Variants in SGMS2 observed in about 807,000 individuals in gnomAD.
SGMS2 encodes phosphatidylcholine:ceramide cholinephosphotransferase 2.
Under a neutral mutation model 43.8 loss-of-function variants are expected in SGMS2, and 21 were observed. That is an observed-to-expected ratio of 0.48 (90% CI 0.34 to 0.69). The LOEUF (loss-of-function observed/expected upper bound fraction) is 0.69. SGMS2 is among the 30% of genes least tolerant of loss of function. SGMS2 has a pLI of 0.01. For synonymous variants in SGMS2, 167 were observed against 160.6 expected (o/e 1.04, Z -0.30); for missense variants, 384 against 443.2 (o/e 0.87, Z 1.20).
intron 2 of SGMS2, among the ~76,000 whole-genome samples, chr4:107,869,962 A>G (rs1030004486): frequency 2.6e-5 from 4 of 152,170 alleles, no homozygotes; most frequent in African/African-American, 9.7e-5. Flanking sequence ...CCAGAGAGGA[A>G]GGGAGTGCTG....
intron 3 of SGMS2, among the ~76,000 whole-genome samples, chr4:107,897,218 C>G (rs994864713): frequency 1.3e-5 from 2 of 152,164 alleles, no homozygotes; most frequent in South Asian, 4.1e-4. Flanking sequence ...GTCTTAAAAC[C>G]TTATTCCACA....
rs1316774814 is a variant in SGMS2, at chr4:107,895,440, A to G, written c.-114A>G. 2.8e-6 allele frequency: 3 copies of G among 1,077,512 alleles called. No individual in the cohort carries two copies. In the Admixed American group the frequency reaches 7.2e-5, roughly 26 times the overall value. The allele number at this position is 1,077,512 out of a possible 1,614,324, so 66.7% of individuals were successfully genotyped here. On this transcript the variant is annotated 5_prime_UTR_variant, in exon 3 of 7. Coordinates refer to ENST00000690982, the MANE Select transcript of SGMS2 (RefSeq NM_001375905.1). ...TTCTACATTTTGTATTAGGAAACAAAGTCCATTGTAAGAGTCCATGTTGAT... is the reference window on the plus strand; with the variant it reads ...TTCTACATTTTGTATTAGGAAACAAGGTCCATTGTAAGAGTCCATGTTGAT...
At chr4:107,881,842 C>T (rs1729381397) in intron 2 of SGMS2, among the ~76,000 whole-genome samples, 1 of 152,074 alleles carries the variant, frequency 6.6e-6, no homozygotes. Context: ...TTTTTAGCTC[C>T]CACAAATGAG....
chr4:107,829,790 G>A (rs1312518243), intron 1 of SGMS2, among the ~76,000 whole-genome samples: 2 of 151,856 alleles, frequency 1.3e-5, no homozygotes, highest in Non-Finnish European at 2.9e-5. Flanking sequence ...GCCCAGGCTG[G>A]TCTTGAATGC....
rs951764006 is a variant in SGMS2 at position 107,895,360 on chromosome 4, G to A, written c.-194G>A. On this transcript the variant is annotated 5_prime_UTR_variant, in exon 3 of 7. In the 5' UTR this introduces an upstream ATG that the reference lacks. Transcript: ENST00000690982. ...GAAGAATTGGCTTCCTTTCTTGAAAGTGGTGAAGGTACAGCATATAGCTGC... is the reference window on the plus strand; with the variant it reads ...GAAGAATTGGCTTCCTTTCTTGAAAATGGTGAAGGTACAGCATATAGCTGC... The A allele has an allele frequency of 1.9e-6, 1 of 536,256 alleles. No individual in the cohort carries two copies. The highest frequency in any genetic ancestry group is 1.9e-5 in the African/African-American group (1 of 52,304). The allele number at this position is 536,256 out of a possible 1,614,324, so 33.2% of individuals were successfully genotyped here. A position where few individuals can be genotyped will look rare whatever the true frequency, so the allele number is the denominator to read the frequency against.
intron 1 of SGMS2, among the ~76,000 whole-genome samples, chr4:107,829,103 C>G (rs538477632): frequency 6.6e-6 from 1 of 152,282 alleles, no homozygotes; most frequent in African/African-American, 2.4e-5. Flanking sequence ...TCAGGTGTTG[C>G]ATTTAGCAGA....
chr4:107,862,674 G>T (rs1247301185), intron 2 of SGMS2, among the ~76,000 whole-genome samples: 1 of 152,176 alleles, frequency 6.6e-6, no homozygotes, highest in East Asian at 1.9e-4. Flanking sequence ...CCTCTACCAA[G>T]AGTGAGAAAG....
intron 5 of SGMS2, chr4:107,908,360 C>G (rs11724020): frequency 3.8e-6 from 2 of 523,980 alleles, no homozygotes; most frequent in African/African-American, 3.8e-5. Context: ...ATGACTATTA[C>G]GCCCGCTGCC....
In SGMS2 at chr4:107,895,733, C is replaced by G. The variant is rs377506197; in HGVS notation, c.180C>G (p.Ile60Met). 1.9e-6 allele frequency: 3 copies of G among 1,613,932 alleles called. No individual in the cohort carries two copies. The East Asian group carries it at 6.7e-5, about 36-fold the overall frequency. Reference sequence around the variant, plus strand: ...GCACCAAAAAGTACCCGGACTATATCCAAATTGCTATGCCCACTGAATCAA... The same window carrying G: ...GCACCAAAAAGTACCCGGACTATATGCAAATTGCTATGCCCACTGAATCAA... ...RKGTKKYPDY[I>M]QIAMPTESRN... is the part of the protein sequence containing the mutation. Residue 60 changes from isoleucine (I) to methionine (M), a missense_variant, in exon 3 of 7, where the codon ATC (isoleucine) becomes ATG (methionine). Transcript: ENST00000690982.
At chr4:107,893,854 T>C (rs1247746367) in intron 2 of SGMS2, among the ~76,000 whole-genome samples, 1 of 152,166 alleles carries the variant, frequency 6.6e-6, no homozygotes. Context: ...AGCTCATCCC[T>C]CTCCTTCCTT....
In SGMS2 at chr4:107,873,584, T is replaced by C. The variant is rs1345674232; in HGVS notation, c.-245+15031T>C. ...AAAATTATATTTTATATATTATTAA[T>C]CTAAAATTTATTATATACTTATGCT... On this transcript the variant is annotated intron_variant, in intron 2 of 6. Transcript: ENST00000690982. 2.0e-5 allele frequency: 3 copies of C among 151,744 alleles called. No individual in the cohort carries two copies. In the East Asian group the frequency reaches 5.8e-4, roughly 29 times the overall value. 9.4% of individuals were successfully genotyped at this position (151,744 alleles called of 1,614,324 possible). A position where few individuals can be genotyped will look rare whatever the true frequency, so the allele number is the denominator to read the frequency against.
chr4:107,857,693 T>TA (rs1487639021), intron 1 of SGMS2, among the ~76,000 whole-genome samples: 1 of 152,118 alleles, frequency 6.6e-6, no homozygotes, highest in Non-Finnish European at 1.5e-5. Flanking sequence ...AAATTTCAAC[T>TA]AAAAAATCCA....
intron 2 of SGMS2, chr4:107,893,802 A>G (rs935390553): frequency 6.6e-6 from 1 of 152,236 alleles, no homozygotes; most frequent in Non-Finnish European, 1.5e-5. Flanking sequence ...TCCCTGGAGC[A>G]GGGAAACAGT....
intron 4 of SGMS2, among the ~76,000 whole-genome samples, chr4:107,901,964 T>C (rs1227972182): frequency 6.6e-6 from 1 of 151,624 alleles, no homozygotes; most frequent in Non-Finnish European, 1.5e-5. Context: ...TAGAGTGCAA[T>C]GGCGCAATCT....
Position 107,902,207 on chromosome 4 carries a change from G to C in SGMS2, c.574-1026G>C, listed in dbSNP as rs142383303. Among the ~76,000 whole-genome samples, 905 of 146,562 alleles carry C rather than the reference G, an allele frequency of 6.2e-3. 10 individuals carry two copies. The highest frequency in any genetic ancestry group is 0.022 in the African/African-American group (860 of 38,804). Reference sequence around the variant, plus strand: ...GTGTAGATGATAAGCTTTCCTTTTTGGCAGCAGCCAAGTTGGTCTCTCCTG... The same window carrying C: ...GTGTAGATGATAAGCTTTCCTTTTTCGCAGCAGCCAAGTTGGTCTCTCCTG... On this transcript the variant is annotated intron_variant, in intron 4 of 6. Transcript: ENST00000690982.
intron 4 of SGMS2, 113 bp from the exon 5 acceptor site, chr4:107,903,120 A>T: frequency 9.6e-7 from 1 of 1,044,102 alleles, no homozygotes; most frequent in Non-Finnish European, 1.5e-6. Flanking sequence ...TTTCTAGGTT[A>T]AAAAGAAAAA....
Position 107,848,753 on chromosome 4 carries a change from G to A in SGMS2, c.-326-9719G>A, listed in dbSNP as rs540982472. Among the ~76,000 whole-genome samples the A allele has an allele frequency of 5.1e-4, 77 of 152,164 alleles. 1 individual carries two copies. The South Asian group carries it at 0.013, about 25-fold the overall frequency. On this transcript the variant is annotated intron_variant, in intron 1 of 6. Transcript: ENST00000690982. ...GATATTTTGCCCACCTTTTAATTAG[G>A]TTATTTTTCTTGTTGAGTTTTAGGA...
At chr4:107,843,951 T>C (rs1196330629) in intron 1 of SGMS2, among the ~76,000 whole-genome samples, 4 of 152,212 alleles carry the variant, frequency 2.6e-5, no homozygotes, top group Non-Finnish European at 1.5e-5. Context: ...TTCTGTCTTA[T>C]GGTAGAATCT....
At chr4:107,850,379 G>C (rs1213845607) in intron 1 of SGMS2, among the ~76,000 whole-genome samples, 1 of 152,162 alleles carries the variant, frequency 6.6e-6, no homozygotes, top group Non-Finnish European at 1.5e-5. Flanking sequence ...TGTTTGTTTA[G>C]AAATGTGATG....
Sources: allele counts gnomAD v4.1 joint callset (sites outside exome capture counted in the v4.1 genomes callset), GRCh38; gene constraint gnomAD v4.1.1; transcripts MANE v1.5; gene names NCBI Gene and HGNC (gene_info 2026-07-23, HGNC 2026-07-21).